Variants in PTPRN2 observed in about 807,000 individuals in gnomAD.
The protein encoded by PTPRN2 is receptor-type tyrosine-protein phosphatase N2.
Under a neutral mutation model 118.8 loss-of-function variants are expected in PTPRN2, and 74 were observed. The ratio of observed to expected loss-of-function variants is 0.62; its 90% CI spans 0.52 to 0.76. PTPRN2 has a LOEUF of 0.76. Ranked by LOEUF, PTPRN2 falls within the 30% of genes least tolerant of loss-of-function variation. The pLI, the probability that PTPRN2 is intolerant of heterozygous loss-of-function variation, is 0.00. For missense variants in PTPRN2, 1,481 were observed against 1,394.4 expected (o/e 1.06, Z -0.99); for synonymous variants, 641 against 608.0 (o/e 1.05, Z -0.80).
chr7:157,828,112 T>C (rs1006310751), intron 12 of PTPRN2, among the ~76,000 whole-genome samples: 2 of 152,166 alleles, frequency 1.3e-5, no homozygotes, highest in Admixed American at 1.3e-4. Context: ...TTTCCCCACA[T>C]GCAGATGGAG....
intron 21 of PTPRN2, 88 bp downstream of exon 21, chr7:157,568,814 G>A (rs1431921200): frequency 4.3e-6 from 6 of 1,379,846 alleles, no homozygotes; most frequent in Non-Finnish European, 6.2e-6. Flanking sequence ...TTTTTTCCAG[G>A]GCCTCCCGTG....
chr7:158,516,776 G>A (rs777820173), intron 1 of PTPRN2, among the ~76,000 whole-genome samples: 1 of 149,652 alleles, frequency 6.7e-6, no homozygotes, highest in Non-Finnish European at 1.5e-5. Flanking sequence ...ACTGTTCTTG[G>A]TGCTCCTGCC....
chr7:157,631,522 C>T (rs1803942130), intron 14 of PTPRN2, among the ~76,000 whole-genome samples: 1 of 151,996 alleles, frequency 6.6e-6, no homozygotes, highest in Admixed American at 6.6e-5. Context: ...CACGGTGAAA[C>T]CCTGTCTCTA....
Position 157,682,876 on chromosome 7 carries a change from G to C in PTPRN2, c.1850C>G (p.Ala617Gly). The change falls in exon 13 of 23, where the codon GCG (alanine) becomes GGG (glycine). Residue 617 changes from alanine (A) to glycine (G), a missense_variant. Physicochemically the swap from Ala to Gly is moderately conservative, Grantham distance 60. Coordinates refer to ENST00000389418, the MANE Select transcript of PTPRN2 (RefSeq NM_002847.5). ...AEQEDSTKFI[A>G]LTLVSLACIL... ...GCAGGCGAGGGAGACCAGGGTGAGCGCGATGAACTTGGTGGAGTCTTCTTG... is the reference window on the plus strand; with the variant it reads ...GCAGGCGAGGGAGACCAGGGTGAGCCCGATGAACTTGGTGGAGTCTTCTTG... 6.2e-7 allele frequency: 1 copy of C among 1,614,048 alleles called. No homozygotes were observed. Among genetic ancestry groups the C allele is most frequent in the Non-Finnish European group, 8.5e-7 (1 of 1,179,974 alleles).
intron 12 of PTPRN2, among the ~76,000 whole-genome samples, chr7:157,875,363 T>C (rs1484810740): frequency 6.6e-6 from 1 of 152,192 alleles, no homozygotes; most frequent in Non-Finnish European, 1.5e-5. Context: ...AGCGTCCGTA[T>C]TCATGGTGGG....
At chr7:158,246,840 C>T (rs1052782912) in intron 3 of PTPRN2, among the ~76,000 whole-genome samples, 4 of 152,000 alleles carry the variant, frequency 2.6e-5, no homozygotes, top group Non-Finnish European at 4.4e-5. Context: ...TGATGGTGCA[C>T]GTGACCCACG....
chr7:157,981,313 C>T (rs1020384603), intron 11 of PTPRN2, among the ~76,000 whole-genome samples: 1 of 126,890 alleles, frequency 7.9e-6, no homozygotes, highest in South Asian at 2.3e-4. Context: ...TATTCCAGGA[C>T]AGGTGAAACT....
intron 9 of PTPRN2, among the ~76,000 whole-genome samples, chr7:158,116,666 CATT>C (rs764625729): frequency 1.3e-5 from 2 of 152,236 alleles, no homozygotes; most frequent in Non-Finnish European, 2.9e-5. Flanking sequence ...GCCACCTCCT[CATT>C]GTTGTTGCTC....
rs188040053 is a variant in PTPRN2, at chr7:157,664,642, C to T, written c.2002-8091G>A. On this transcript the variant is annotated intron_variant, in intron 13 of 22. Transcript: ENST00000389418. ...GGTGTGGTGGCGTGCACCTGTACTC[C>T]CAGCTACTTGAGAGGCCGAGGTGGG... Among the ~76,000 whole-genome samples the T allele has an allele frequency of 3.3e-3, 509 of 151,982 alleles. 3 individuals carry two copies. Among genetic ancestry groups the T allele is most frequent in the Non-Finnish European group, 5.2e-3 (353 of 67,968 alleles).
chr7:158,372,307 AAC>A lies in PTPRN2; in HGVS notation c.164-55377_164-55376del, dbSNP rs1563213112. ...GCTGGTCCCCGGAGCTGGTCCCCCC[AAC>A]GCTGGTCCCCGGAGCTGGTCCCCCC... On this transcript the variant is annotated intron_variant, in intron 2 of 22. Transcript: ENST00000389418. 5.0e-4 allele frequency among the ~76,000 whole-genome samples: 46 copies of A among 92,556 alleles called. 2 individuals carry two copies. In the South Asian group the frequency reaches 0.013, roughly 27 times the overall value. The allele number at this position is 92,556 out of a possible 152,430, so 60.7% of individuals were successfully genotyped here. A position where few individuals can be genotyped will look rare whatever the true frequency, so the allele number is the denominator to read the frequency against.
chr7:158,036,608 T>A (rs1468533826), intron 11 of PTPRN2, among the ~76,000 whole-genome samples: 1 of 152,016 alleles, frequency 6.6e-6, no homozygotes, highest in South Asian at 2.1e-4. Context: ...ATCCCAAAAA[T>A]GCAAAACTGG....
intron 1 of PTPRN2, among the ~76,000 whole-genome samples, chr7:158,514,815 G>C (rs573290082): frequency 6.6e-6 from 1 of 152,226 alleles, no homozygotes; most frequent in South Asian, 2.1e-4. Context: ...AAAACATCTC[G>C]CAGATGTAAC....
chr7:157,688,611 G>A (rs750740026), intron 12 of PTPRN2, among the ~76,000 whole-genome samples: 1 of 152,232 alleles, frequency 6.6e-6, no homozygotes, highest in Non-Finnish European at 1.5e-5. Flanking sequence ...TCCACACCAG[G>A]TGCTTCTCGG....
At chr7:158,070,396 CGTGGTGGTGG>C (rs1811156287) in intron 11 of PTPRN2, among the ~76,000 whole-genome samples, 3 of 109,108 alleles carry the variant, frequency 2.7e-5, no homozygotes, top group Non-Finnish European at 5.4e-5. Flanking sequence ...TGGAGGTGCT[CGTGGTGGTGG>C]ACGTGCTCGT....
chr7:157,634,295 A>C (rs186663768), intron 14 of PTPRN2, among the ~76,000 whole-genome samples: 60 of 152,308 alleles, frequency 3.9e-4, no homozygotes, highest in African/African-American at 1.3e-3. Flanking sequence ...GTCTGGATAA[A>C]AACCTGAAAA....
At chr7:158,309,069 C>G (rs1801503674) in intron 3 of PTPRN2, among the ~76,000 whole-genome samples, 2 of 152,194 alleles carry the variant, frequency 1.3e-5, no homozygotes, top group African/African-American at 4.8e-5. Context: ...GAATTAACAT[C>G]ATTCTTTCAC....
At chr7:158,492,415 T>C (rs1413010464) in intron 1 of PTPRN2, among the ~76,000 whole-genome samples, 1 of 152,210 alleles carries the variant, frequency 6.6e-6, no homozygotes, top group African/African-American at 2.4e-5. Flanking sequence ...AAAGCCCCTG[T>C]TTTCTTCCCA....
chr7:158,283,866 T>C (rs556867099), intron 3 of PTPRN2, among the ~76,000 whole-genome samples: 1 of 152,140 alleles, frequency 6.6e-6, no homozygotes, highest in South Asian at 2.1e-4. Flanking sequence ...AGACCTAGAA[T>C]CACCACGTCG....
intron 3 of PTPRN2, among the ~76,000 whole-genome samples, chr7:158,286,627 C>A (rs1330738582): frequency 6.6e-6 from 1 of 152,046 alleles, no homozygotes; most frequent in Non-Finnish European, 1.5e-5. Flanking sequence ...TGGTTTTTAT[C>A]CTTCCCTCAA....
Sources: gnomAD v4.1 joint callset for allele counts (sites outside exome capture counted in the v4.1 genomes callset) on GRCh38, gnomAD v4.1.1 for gene constraint, MANE v1.5 for transcripts, NCBI Gene and HGNC (gene_info 2026-07-23, HGNC 2026-07-21) for gene names.